Variants in PCDHA4 observed in about 807,000 individuals in gnomAD.
The protein encoded by PCDHA4 is protocadherin alpha-4.
A neutral mutation model predicts 61.4 loss-of-function variants in PCDHA4; 49 were observed. The ratio of observed to expected loss-of-function variants is 0.80; its 90% CI spans 0.63 to 1.01. The LOEUF is 1.01. PCDHA4 is among the 50% of genes least tolerant of loss of function. The pLI is 0.00. For synonymous variants in PCDHA4, 590 were observed against 550.3 expected (o/e 1.07, Z -1.01); for missense variants, 1,254 against 1,235.8 (o/e 1.01, Z -0.22).
chr5:140,912,635 T>G (rs1554195442), intron 1 of PCDHA4, among the ~76,000 whole-genome samples: 2 of 152,156 alleles, frequency 1.3e-5, no homozygotes, highest in Admixed American at 6.5e-5. Context: ...AGACTTTCAG[T>G]ACTATGTTGA....
Position 141,010,445 on chromosome 5 carries a change from A to C in PCDHA4, c.*508A>C. On this transcript the variant is annotated 3_prime_UTR_variant, in exon 4 of 4. Transcript: ENST00000530339. ...AAGGCAAGAAAACAAAGACAAATAA[A>C]CAGCGGAAGTTATCAGTATGGAGGG... 1.1e-6 allele frequency: 1 copy of C among 944,134 alleles called. No individual in the cohort carries two copies. The highest frequency in any genetic ancestry group is 1.5e-6 in the Non-Finnish European group (1 of 656,048). 58.5% of individuals were successfully genotyped at this position (944,134 alleles called of 1,614,324 possible).
chr5:140,967,340 C>G, intron 1 of PCDHA4: 1 of 1,607,862 alleles, frequency 6.2e-7, no homozygotes. Flanking sequence ...CCCCAGCGAG[C>G]ACTTCGAGCT....
intron 1 of PCDHA4, chr5:140,877,674 G>A: frequency 1.9e-6 from 3 of 1,613,628 alleles, no homozygotes; most frequent in South Asian, 1.1e-5. Flanking sequence ...GGTGCGCGCC[G>A]GGCAAGCCCA....
intron 1 of PCDHA4, chr5:140,881,353 G>C (rs537796043): frequency 1.0e-6 from 1 of 985,060 alleles, no homozygotes; most frequent in African/African-American, 1.7e-5. Flanking sequence ...GCTACAATGC[G>C]TGGCTTTCGT....
chr5:140,856,319 C>T (rs782092511), intron 1 of PCDHA4: 2 of 1,598,532 alleles, frequency 1.3e-6, no homozygotes, highest in African/African-American at 1.3e-5. Flanking sequence ...TCGGATTGAC[C>T]GCGAGGAGCT....
At chr5:140,929,014 C>T (rs1554206582) in intron 1 of PCDHA4, 5 of 1,614,110 alleles carry the variant, frequency 3.1e-6, no homozygotes, top group Non-Finnish European at 4.2e-6. Flanking sequence ...TACCAAGTTG[C>T]ACCAGAGCCC....
rs782144486 is a variant in PCDHA4, at chr5:140,875,746, C to A, written c.2385+66174C>A. ...TTTGTTTGTGAATTCTCGGATCGAC[C>A]GCGAGAAGCTGTGCGGGCGGAGCGC... is the stretch of plus-strand genomic sequence containing the variant. On this transcript the variant is annotated intron_variant, in intron 1 of 3. Coordinates refer to ENST00000530339, the MANE Select transcript of PCDHA4 (RefSeq NM_018907.4). 7.4e-6 allele frequency: 12 copies of A among 1,614,096 alleles called. No homozygotes were observed. In the East Asian group the frequency reaches 2.0e-4, roughly 27 times the overall value.
intron 1 of PCDHA4, among the ~76,000 whole-genome samples, chr5:140,972,314 GTGT>G (rs1387433472): frequency 1.3e-5 from 2 of 150,490 alleles, no homozygotes; most frequent in Non-Finnish European, 3.0e-5. Context: ...TAGTTTTTAG[GTGT>G]TTTTTTTTTT....
rs200161334 is a variant in PCDHA4, at chr5:140,967,904, C to T, written c.2386-11045C>T. ...TAGCCCAGTGCCTGAGAATGCTACACCCAACACCATTGTGGCCGTTCTCAG... is the reference window on the plus strand; with the variant it reads ...TAGCCCAGTGCCTGAGAATGCTACATCCAACACCATTGTGGCCGTTCTCAG... On this transcript the variant is annotated intron_variant, in intron 1 of 3. Coordinates refer to ENST00000530339, the MANE Select transcript of PCDHA4 (RefSeq NM_018907.4). The T allele has an allele frequency of 3.3e-5, 53 of 1,614,164 alleles. No individual in the cohort carries two copies. In the East Asian group the frequency reaches 9.1e-4, roughly 28 times the overall value.
intron 1 of PCDHA4, chr5:140,831,085 G>C (rs1771371659): frequency 6.6e-6 from 1 of 152,106 alleles, no homozygotes; most frequent in African/African-American, 2.4e-5. Flanking sequence ...AGGAATAAAG[G>C]ACAAAAACAA....
chr5:140,909,070 C>T (rs2074299054), intron 1 of PCDHA4, among the ~76,000 whole-genome samples: 1 of 152,146 alleles, frequency 6.6e-6, no homozygotes, highest in Non-Finnish European at 1.5e-5. Flanking sequence ...CACCAATAAG[C>T]CCAGTGTGTT....
intron 1 of PCDHA4, among the ~76,000 whole-genome samples, chr5:140,888,151 CT>C (rs1247816625): frequency 4.6e-5 from 7 of 152,106 alleles, no homozygotes; most frequent in Non-Finnish European, 8.8e-5. Context: ...TTTTGCATGA[CT>C]GGTAATCTCT....
chr5:140,967,210 C>A, intron 1 of PCDHA4: 1 of 1,613,674 alleles, frequency 6.2e-7, no homozygotes, highest in Non-Finnish European at 8.5e-7. Flanking sequence ...CACCGCGTTT[C>A]CCGCGGCCCA....
At chr5:140,852,963 C>T in intron 1 of PCDHA4, 1 of 424,740 alleles carries the variant, frequency 2.4e-6, no homozygotes, top group Non-Finnish European at 3.3e-6. Context: ...ACTCCAAGCT[C>T]CCCCTCCCGT....
intron 1 of PCDHA4, chr5:140,875,971 C>A (rs17844352): frequency 1.1e-5 from 17 of 1,614,030 alleles, no homozygotes; most frequent in Non-Finnish European, 1.4e-5. Flanking sequence ...CGTAAACTCT[C>A]TTTTGACCTA....
At chr5:140,862,934 G>A (rs1050739882) in intron 1 of PCDHA4, 1 of 542,302 alleles carries the variant, frequency 1.8e-6, no homozygotes, top group South Asian at 1.4e-5. Context: ...TGGCGGCGCT[G>A]TGAGTGAGCT....
chr5:140,882,453 G>A, intron 1 of PCDHA4: 3 of 1,614,042 alleles, frequency 1.9e-6, no homozygotes, highest in Non-Finnish European at 2.5e-6. Flanking sequence ...CTGGTGCCGC[G>A]CCTGTTCCGG....
At chr5:140,845,196 T>C (rs1470721997) in intron 1 of PCDHA4, among the ~76,000 whole-genome samples, 3 of 149,356 alleles carry the variant, frequency 2.0e-5, no homozygotes, top group African/African-American at 7.4e-5. Flanking sequence ...AATATGATTG[T>C]TTTCATTTAA....
intron 1 of PCDHA4, among the ~76,000 whole-genome samples, chr5:140,888,523 T>C (rs1316582829): frequency 6.6e-6 from 1 of 152,244 alleles, no homozygotes; most frequent in African/African-American, 2.4e-5. Flanking sequence ...AGTTCTGACG[T>C]GAAGTTAAGT....
Sources: allele counts gnomAD v4.1 joint callset (sites outside exome capture counted in the v4.1 genomes callset), GRCh38; gene constraint gnomAD v4.1.1; transcripts MANE v1.5; gene names NCBI Gene and HGNC (gene_info 2026-07-23, HGNC 2026-07-21).